CIP2A: variants seen among roughly 807,000 people sequenced by gnomAD.
The protein encoded by CIP2A is cellular inhibitor of PP2A.
CIP2A carries 103 observed loss-of-function variants against 110.9 expected under a neutral mutation model. The ratio of observed to expected loss-of-function variants is 0.93; its 90% CI spans 0.79 to 1.09. The LOEUF (loss-of-function observed/expected upper bound fraction) is 1.09. Ranked by LOEUF, CIP2A falls within the 50% of genes least tolerant of loss-of-function variation. CIP2A has a pLI of 0.00. For missense variants in CIP2A, 1,088 were observed against 1,038.4 expected (o/e 1.05, Z -0.66); for synonymous variants, 381 against 361.6 (o/e 1.05, Z -0.61).
Position 108,575,305 on chromosome 3 carries a change from TAC to T in CIP2A, c.894+964_894+965del, listed in dbSNP as rs576074577. 1.0e-4 allele frequency among the ~76,000 whole-genome samples: 15 copies of T among 146,792 alleles called. No individual in the cohort carries two copies. In the South Asian group the frequency reaches 1.0e-3, roughly 10 times the overall value. On this transcript the variant is annotated intron_variant, in intron 8 of 20. Coordinates refer to ENST00000295746, the MANE Select transcript of CIP2A (RefSeq NM_020890.3). ...ACGTGTACGTACACACACGTGTACG[TAC>T]ACACACGTGCATGTACACACACGTG...
In CIP2A at chr3:108,565,397, T is replaced by A; in HGVS notation, c.1473A>T (p.Pro491=). Residue 491 remains proline, a synonymous_variant, in exon 12 of 21, where the codon CCA becomes CCT. Coordinates refer to ENST00000295746, the MANE Select transcript of CIP2A (RefSeq NM_020890.3). ...AGCTTACTTCCATACCAGGAACCAA[T>A]GGTTTAAGTTTGTTAATCAAATCAA... The part of the protein sequence containing the change: ...KTLDLINKLK[P]LVPGMEVSFY... 6.2e-7 allele frequency: 1 copy of A among 1,601,828 alleles called. No homozygotes were observed. The highest frequency in any genetic ancestry group is 8.5e-7 in the Non-Finnish European group (1 of 1,173,504).
chr3:108,554,187 T>C (rs1937706301), intron 18 of CIP2A, among the ~76,000 whole-genome samples, 189 bp downstream of exon 18: 1 of 152,110 alleles, frequency 6.6e-6, no homozygotes, highest in Non-Finnish European at 1.5e-5. Flanking sequence ...TGAGCTACCA[T>C]GCCCAGCCTT....
intron 7 of CIP2A, 89 bp downstream of exon 7, chr3:108,579,192 T>C: frequency 1.0e-6 from 1 of 1,002,074 alleles, no homozygotes; most frequent in East Asian, 2.5e-5. Flanking sequence ...TCCAAGTTTA[T>C]TATATTTTAA....
chr3:108,554,723 G>C (rs982970013), intron 17 of CIP2A, among the ~76,000 whole-genome samples: 1 of 152,010 alleles, frequency 6.6e-6, no homozygotes, highest in Non-Finnish European at 1.5e-5. Flanking sequence ...AAATGTGTGG[G>C]GCATTAATCT....
At chr3:108,566,430 T>C in intron 11 of CIP2A, 67 bp downstream of exon 11, 6 of 1,246,456 alleles carry the variant, frequency 4.8e-6, no homozygotes, top group South Asian at 2.7e-5. Context: ...TCCAAAAGGA[T>C]GAGAATCACC....
intron 3 of CIP2A, 45 bp from the exon 4 acceptor site, chr3:108,582,247 T>C (rs1407656169): frequency 7.4e-6 from 6 of 815,818 alleles, no homozygotes; most frequent in Non-Finnish European, 7.8e-6. Context: ...ATAAAAACAT[T>C]GCCTGCTTAA....
In CIP2A at chr3:108,553,897, A is replaced by C. The variant is rs1251305192; in HGVS notation, c.2325-167T>G. Among the ~76,000 whole-genome samples, 65 of 114,246 alleles carry C rather than the reference A, an allele frequency of 5.7e-4. 13 individuals carry two copies. Among genetic ancestry groups the C allele is most frequent in the Admixed American group, 1.4e-3 (17 of 12,112 alleles). 74.9% of individuals were successfully genotyped at this position (114,246 alleles called of 152,430 possible). A position where few individuals can be genotyped will look rare whatever the true frequency, so the allele number is the denominator to read the frequency against. On this transcript the variant is annotated intron_variant, in intron 18 of 20. Transcript: ENST00000295746. ...GAAACCCCGTCTCTACTAAAAATAT[A>C]AAAAAAAAAAAAAAAAAAAAAAGGT...
rs148681512 is a variant in CIP2A, at chr3:108,582,435, C to T, written c.358-233G>A. ...ACCTTGTTCACTTAGTCATCTTAAA[C>T]TTGAATGCAGTTTGAAACACACATG... On this transcript the variant is annotated intron_variant, in intron 3 of 20. Transcript: ENST00000295746. Among the ~76,000 whole-genome samples the T allele has an allele frequency of 6.3e-3, 956 of 152,282 alleles. 14 individuals are homozygous for T. Among genetic ancestry groups the T allele is most frequent in the African/African-American group, 0.022 (902 of 41,558 alleles).
In CIP2A at chr3:108,565,450, G is replaced by C; in HGVS notation, c.1420C>G (p.Leu474Val). ...GTTTTCAAAATTACATCAGCAGCAA[G>C]TTTGCTTTAAAGATAAATCACATTT... is the stretch of plus-strand genomic sequence containing the variant. ...TKVADSELCK[L>V]AADVILKTLD... The change falls in exon 12 of 21, where the codon CTT (leucine) becomes GTT (valine). Residue 474 changes from leucine to valine, a missense_variant. Transcript: ENST00000295746. 6.4e-7 allele frequency: 1 copy of C among 1,567,606 alleles called. No homozygotes were observed. The highest frequency in any genetic ancestry group is 8.7e-7 in the Non-Finnish European group (1 of 1,147,928).
In CIP2A at chr3:108,563,264, A is replaced by G; in HGVS notation, c.1516-20T>C. On this transcript the variant is annotated intron_variant, in intron 12 of 20. Coordinates refer to ENST00000295746, the MANE Select transcript of CIP2A (RefSeq NM_020890.3). ...TGGGTCCTAAATAAATCAGAAACCA[A>G]AAAAGAAGCAGCAGAAAGAATAAAC... 7.2e-7 allele frequency: 1 copy of G among 1,383,434 alleles called. No homozygotes were observed. The highest frequency in any genetic ancestry group is 1.0e-6 in the Non-Finnish European group (1 of 971,918). The allele number at this position is 1,383,434 out of a possible 1,614,324, so 85.7% of individuals were successfully genotyped here. A position where few individuals can be genotyped will look rare whatever the true frequency, so the allele number is the denominator to read the frequency against.
At position 108,551,223 on chromosome 3, in the gene CIP2A, A is replaced by C; in HGVS notation, c.2644T>G (p.Ser882Ala). The C allele has an allele frequency of 6.2e-7, 1 of 1,611,880 alleles. No homozygotes were observed. Among genetic ancestry groups the C allele is most frequent in the Non-Finnish European group, 8.5e-7 (1 of 1,178,584 alleles). ...KLQQEELNKH[S>A]HMIAMIHSLS... is the part of the protein sequence containing the mutation. The stretch of plus-strand genomic sequence containing the variant: ...CTGTGGATCATTGCTATCATGTGGG[A>C]GTGTTTGTTCAATTCCTCTTGCTGA... The change falls in exon 21 of 21, where the codon TCC becomes GCC. Residue 882 changes from serine (S) to alanine (A), a missense_variant. Transcript: ENST00000295746.
At chr3:108,575,372 A>ATG (rs1491464746) in intron 8 of CIP2A, among the ~76,000 whole-genome samples, 2 of 150,736 alleles carry the variant, frequency 1.3e-5, no homozygotes, top group Non-Finnish European at 3.0e-5. Flanking sequence ...ATACATACAC[A>ATG]TATACATGTA....
chr3:108,572,867 G>A lies in CIP2A; in HGVS notation c.895-3260C>T, dbSNP rs1430149500. Among the ~76,000 whole-genome samples, 3 of 151,956 alleles carry A rather than the reference G, an allele frequency of 2.0e-5. No homozygotes were observed. In the East Asian group the frequency reaches 5.8e-4, roughly 29 times the overall value. On this transcript the variant is annotated intron_variant, in intron 8 of 20. Coordinates refer to ENST00000295746, the MANE Select transcript of CIP2A (RefSeq NM_020890.3). The stretch of plus-strand genomic sequence containing the variant: ...TAAGCTGAACATCACTGGTGATAAT[G>A]AACATTCTTTTCTTATTCCTAATCT...
In CIP2A at chr3:108,575,688, G is replaced by GTA. The variant is rs200717438; in HGVS notation, c.894+581_894+582dup. Among the ~76,000 whole-genome samples the GTA allele has an allele frequency of 1.6e-3, 70 of 44,366 alleles. 13 individuals carry two copies. The highest frequency in any genetic ancestry group is 2.0e-3 in the Admixed American group (8 of 3,924). 29.1% of individuals were successfully genotyped at this position (44,366 alleles called of 152,430 possible). A position where few individuals can be genotyped will look rare whatever the true frequency, so the allele number is the denominator to read the frequency against. ...CGTGTATATATACTCATATACATGA[G>GTA]TATATATACGTGTATATATACTCAT... On this transcript the variant is annotated intron_variant, in intron 8 of 20. Coordinates refer to ENST00000295746, the MANE Select transcript of CIP2A (RefSeq NM_020890.3).
intron 8 of CIP2A, among the ~76,000 whole-genome samples, chr3:108,570,494 G>C (rs537095525): frequency 6.6e-6 from 1 of 152,212 alleles, no homozygotes; most frequent in South Asian, 2.1e-4. Flanking sequence ...CACAAACCTA[G>C]ATGGTAGAGC....
intron 16 of CIP2A, among the ~76,000 whole-genome samples, chr3:108,558,832 A>G (rs556541585): frequency 2.0e-5 from 3 of 152,340 alleles, no homozygotes; most frequent in African/African-American, 7.2e-5. Flanking sequence ...GTGGCCTAAC[A>G]TGGCTGACTG....
At chr3:108,560,627 T>C (rs367984473) in intron 14 of CIP2A, 22 bp downstream of exon 14, 9 of 1,505,842 alleles carry the variant, frequency 6.0e-6, no homozygotes, top group Non-Finnish European at 7.3e-6. Context: ...TACCAGGTTA[T>C]AATTGCTATT....
At chr3:108,585,600 C>G in intron 1 of CIP2A, 1 of 435,510 alleles carries the variant, frequency 2.3e-6, no homozygotes, top group South Asian at 1.7e-5. Flanking sequence ...AAGGCATAGC[C>G]TACAAATCTG....
chr3:108,567,639 A>G (rs936822210), intron 10 of CIP2A, among the ~76,000 whole-genome samples: 6 of 151,958 alleles, frequency 3.9e-5, no homozygotes, highest in Non-Finnish European at 8.8e-5. Context: ...TTGTGTTGAT[A>G]TACTTGTCTT....
Sources: gnomAD v4.1 joint callset for allele counts (sites outside exome capture counted in the v4.1 genomes callset) on GRCh38, gnomAD v4.1.1 for gene constraint, MANE v1.5 for transcripts, NCBI Gene and HGNC (gene_info 2026-07-23, HGNC 2026-07-21) for gene names.